The following ADCY8 variants were observed in gnomAD, a reference collection of about 807,000 sequenced individuals.
ADCY8 encodes the protein adenylate cyclase type 8.
A neutral mutation model predicts 119.7 loss-of-function variants in ADCY8; 51 were observed. The observed-to-expected ratio is 0.43, with a 90% CI of 0.34 to 0.54. ADCY8 has a LOEUF of 0.54. Among genes scored for constraint, ADCY8 ranks in the 20% least tolerant of loss-of-function variants. ADCY8 has a pLI of 0.03. For missense variants in ADCY8, 1,383 were observed against 1,598.8 expected (o/e 0.87, Z 2.30); for synonymous variants, 665 against 651.0 (o/e 1.02, Z -0.33).
chr8:130,958,770 G>T (rs189307448), intron 2 of ADCY8, among the ~76,000 whole-genome samples: 4 of 152,158 alleles, frequency 2.6e-5, no homozygotes, highest in South Asian at 4.2e-4. Context: ...GGTGAGATTT[G>T]GGTGGGGAAA....
intron 9 of ADCY8, among the ~76,000 whole-genome samples, chr8:130,866,885 AAGTGCTC>A (rs1428799897): frequency 6.6e-6 from 1 of 152,186 alleles, no homozygotes; most frequent in Non-Finnish European, 1.5e-5. Flanking sequence ...TGGCATGTAT[AAGTGCTC>A]AGTAACTGGG....
intron 5 of ADCY8, among the ~76,000 whole-genome samples, chr8:130,931,537 C>T (rs1261671109): frequency 7.2e-5 from 11 of 152,048 alleles, no homozygotes; most frequent in Admixed American, 3.3e-4. Flanking sequence ...GCTTTCTACC[C>T]CTTTATCTTA....
rs1165489685 is a variant in ADCY8, at chr8:130,780,896, G to C, written c.3269-19C>G. ...CTGATGCCTGGGGGGTGAAGCAAAG[G>C]AGCAAGAAGTCAGAGGGAGAAGGGG... On this transcript the variant is annotated intron_variant, in intron 17 of 17. Coordinates refer to ENST00000286355, the MANE Select transcript of ADCY8 (RefSeq NM_001115.3). 6.2e-7 allele frequency: 1 copy of C among 1,609,946 alleles called. No individual in the cohort carries two copies. Among genetic ancestry groups the C allele is most frequent in the East Asian group, 2.2e-5 (1 of 44,812 alleles).
chr8:130,978,565 G>C (rs1347250579), intron 2 of ADCY8, among the ~76,000 whole-genome samples: 1 of 152,078 alleles, frequency 6.6e-6, no homozygotes, highest in Non-Finnish European at 1.5e-5. Context: ...TAAATATCAG[G>C]ATAGATATTA....
At chr8:130,809,716 C>T (rs1297225056) in intron 14 of ADCY8, among the ~76,000 whole-genome samples, 1 of 152,230 alleles carries the variant, frequency 6.6e-6, no homozygotes, top group Non-Finnish European at 1.5e-5. Flanking sequence ...ACATGTCCTT[C>T]TGGCTTAATA....
chr8:130,850,774 C>A (rs944289811), intron 9 of ADCY8, among the ~76,000 whole-genome samples: 1 of 152,104 alleles, frequency 6.6e-6, no homozygotes, highest in East Asian at 1.9e-4. Context: ...TTGAACTCAC[C>A]TTCTTTTCCT....
At chr8:130,928,905 C>T (rs545868809) in intron 5 of ADCY8, among the ~76,000 whole-genome samples, 1 of 152,068 alleles carries the variant, frequency 6.6e-6, no homozygotes, top group Non-Finnish European at 1.5e-5. Context: ...CACAGTGAAA[C>T]CATCAGGTCC....
intron 6 of ADCY8, among the ~76,000 whole-genome samples, chr8:130,909,019 C>CCA (rs1200823638): frequency 0.038 from 3,792 of 100,540 alleles, 86 homozygotes; most frequent in South Asian, 0.077. Flanking sequence ...CTTTCTCTAT[C>CCA]TCCATCCATC....
In ADCY8 at chr8:131,003,206, TCACACACA is replaced by T. The variant is rs1554624274; in HGVS notation, c.961-12672_961-12665del. On this transcript the variant is annotated intron_variant, in intron 1 of 17. Transcript: ENST00000286355. ...CCTGGGCAACAAGAGTGAAACACCA[TCACACACA>T]CACACACACACACACACACACACAC... Among the ~76,000 whole-genome samples the T allele has an allele frequency of 1.7e-4, 23 of 137,578 alleles. No individual in the cohort carries two copies. In the East Asian group the frequency reaches 2.6e-3, roughly 15 times the overall value. The allele number at this position is 137,578 out of a possible 152,430, so 90.3% of individuals were successfully genotyped here.
At chr8:130,925,320 T>G (rs986189796) in intron 5 of ADCY8, among the ~76,000 whole-genome samples, 26 of 152,230 alleles carry the variant, frequency 1.7e-4, no homozygotes, top group Non-Finnish European at 3.8e-4. Context: ...GTAACTCAAC[T>G]GCATCAAATT....
intron 2 of ADCY8, among the ~76,000 whole-genome samples, chr8:130,971,965 A>G (rs1033392935): frequency 1.3e-5 from 2 of 152,140 alleles, no homozygotes; most frequent in African/African-American, 4.8e-5. Flanking sequence ...TTGAAGTACA[A>G]TTTACATAGA....
chr8:130,996,403 G>A (rs893904099), intron 1 of ADCY8, among the ~76,000 whole-genome samples: 4 of 152,072 alleles, frequency 2.6e-5, no homozygotes, highest in Non-Finnish European at 5.9e-5. Flanking sequence ...AAAGAGATTA[G>A]AGGGGGGTCT....
intron 8 of ADCY8, among the ~76,000 whole-genome samples, chr8:130,875,983 A>C (rs139035095): frequency 0.011 from 1,605 of 152,322 alleles, 35 homozygotes; most frequent in African/African-American, 0.037. Flanking sequence ...TCATAATATA[A>C]AACTGGCAAA....
chr8:130,815,895 TTG>T (rs1816323571), intron 13 of ADCY8, among the ~76,000 whole-genome samples: 1 of 152,218 alleles, frequency 6.6e-6, no homozygotes, highest in African/African-American at 2.4e-5. Flanking sequence ...TCAATACACA[TTG>T]GTTCCCTCTT....
At chr8:131,004,816 C>T (rs960291350) in intron 1 of ADCY8, among the ~76,000 whole-genome samples, 1 of 152,132 alleles carries the variant, frequency 6.6e-6, no homozygotes, top group Non-Finnish European at 1.5e-5. Context: ...TAGGGAAGGC[C>T]TCTGCTAAAT....
At chr8:131,037,954 CAG>C (rs766591847) in intron 1 of ADCY8, among the ~76,000 whole-genome samples, 7 of 152,080 alleles carry the variant, frequency 4.6e-5, no homozygotes, top group Non-Finnish European at 1.0e-4. Context: ...AACCCTTACT[CAG>C]AGTCTCTCAT....
chr8:130,998,642 A>T (rs547662404), intron 1 of ADCY8, among the ~76,000 whole-genome samples: 2 of 152,338 alleles, frequency 1.3e-5, no homozygotes, highest in South Asian at 4.1e-4. Context: ...AACAGACAGT[A>T]GTGCAGCAAG....
At chr8:130,937,445 G>T (rs1820820888) in intron 4 of ADCY8, among the ~76,000 whole-genome samples, 2 of 152,160 alleles carry the variant, frequency 1.3e-5, no homozygotes, top group African/African-American at 4.8e-5. Context: ...AAAGCTACAT[G>T]GTTATATCCA....
At chr8:131,025,727 G>C (rs1823803083) in intron 1 of ADCY8, among the ~76,000 whole-genome samples, 2 of 152,164 alleles carry the variant, frequency 1.3e-5, no homozygotes, top group Admixed American at 1.3e-4. Context: ...TGAATGCCTA[G>C]AGCACACAAT....
Sources: allele counts gnomAD v4.1 joint callset (sites outside exome capture counted in the v4.1 genomes callset), GRCh38; gene constraint gnomAD v4.1.1; transcripts MANE v1.5; gene names NCBI Gene and HGNC (gene_info 2026-07-23, HGNC 2026-07-21).